The following DNAJC21 variants were observed in gnomAD, a reference collection of about 807,000 sequenced individuals.
DNAJC21 encodes dnaJ homolog subfamily C member 21.
Under a neutral mutation model 72.4 loss-of-function variants are expected in DNAJC21, and 63 were observed. The observed-to-expected ratio is 0.87, with a 90% CI of 0.71 to 1.07. The LOEUF is 1.07. DNAJC21 is among the 50% of genes least tolerant of loss of function. The probability of loss-of-function intolerance (pLI) is 0.00; values close to 1 mark genes in which losing one functional copy is unlikely to be tolerated. For missense variants in DNAJC21, 634 were observed against 644.8 expected, an observed-to-expected ratio of 0.98 and a Z score of 0.18; for synonymous variants, 203 against 216.7, an observed-to-expected ratio of 0.94 and a Z score of 0.56.
intron 1 of DNAJC21, among the ~76,000 whole-genome samples, chr5:34,931,514 G>A (rs533866701): frequency 2.6e-5 from 4 of 152,312 alleles, no homozygotes; most frequent in South Asian, 2.1e-4. Flanking sequence ...GACCAAAAGC[G>A]TATGTAATTT....
At chr5:34,939,426 C>T (rs868606680) in intron 6 of DNAJC21, among the ~76,000 whole-genome samples, 11 of 152,178 alleles carry the variant, frequency 7.2e-5, no homozygotes, top group Admixed American at 3.9e-4. Flanking sequence ...CCACCGCGCC[C>T]GGCTAATTTT....
rs1765603128 is a variant in DNAJC21 at position 34,958,751 on chromosome 5, A to G, written c.*4037A>G. On this transcript the variant is annotated 3_prime_UTR_variant, in exon 12 of 12. Coordinates refer to ENST00000648817, the MANE Select transcript of DNAJC21 (RefSeq NM_001012339.3). Reference sequence around the variant, plus strand: ...GCAATTCTCAAAACTTTTGGTCTCAAGATCCCTTTACACTCTTCAAAAGTG... The same window carrying G: ...GCAATTCTCAAAACTTTTGGTCTCAGGATCCCTTTACACTCTTCAAAAGTG... 1 of 152,228 alleles carries G rather than the reference A, an allele frequency of 6.6e-6. No homozygotes were observed. Among genetic ancestry groups the G allele is most frequent in the South Asian group, 2.1e-4 (1 of 4,830 alleles). 9.4% of individuals were successfully genotyped at this position (152,228 alleles called of 1,614,324 possible). A position where few individuals can be genotyped will look rare whatever the true frequency, so the allele number is the denominator to read the frequency against.
intron 6 of DNAJC21, among the ~76,000 whole-genome samples, chr5:34,939,304 G>A (rs978380079): frequency 3.9e-5 from 6 of 151,934 alleles, no homozygotes; most frequent in African/African-American, 1.4e-4. Context: ...TGTCGCCCAG[G>A]CCGGACTGCG....
At chr5:34,939,108 T>C in intron 6 of DNAJC21, 99 bp downstream of exon 6, 1 of 1,113,494 alleles carries the variant, frequency 9.0e-7, no homozygotes, top group East Asian at 2.6e-5. Context: ...ATGTGGCAAA[T>C]AATTAAAAAT....
intron 6 of DNAJC21, among the ~76,000 whole-genome samples, chr5:34,939,305 C>CCGGACTG (rs1764907413): frequency 4.0e-5 from 6 of 151,784 alleles, no homozygotes; most frequent in African/African-American, 1.5e-4. Flanking sequence ...GTCGCCCAGG[C>CCGGACTG]CGGACTGCGG....
chr5:34,936,017 T>C, intron 3 of DNAJC21, 127 bp from the exon 4 acceptor site: 1 of 1,438,584 alleles, frequency 7.0e-7, no homozygotes, highest in Non-Finnish European at 9.4e-7. Context: ...AATCTAAATG[T>C]ATTGCAGGGA....
intron 9 of DNAJC21, among the ~76,000 whole-genome samples, chr5:34,948,307 A>G (rs966402721): frequency 6.6e-6 from 1 of 152,214 alleles, no homozygotes; most frequent in African/African-American, 2.4e-5. Context: ...TCACTTTTCC[A>G]TGAAAAGGAA....
At chr5:34,954,141 G>C in intron 11 of DNAJC21, 140 bp downstream of exon 11, 1 of 671,676 alleles carries the variant, frequency 1.5e-6, no homozygotes, top group Non-Finnish European at 2.3e-6. Context: ...AGTTTTGTTT[G>C]ATATAATGTA....
rs574306683 is a variant in DNAJC21, at chr5:34,929,656, A to ACCGCCGCCG, written c.-148_-140dup. 735 of 155,448 alleles carry ACCGCCGCCG rather than the reference A, an allele frequency of 4.7e-3. 13 individuals are homozygous for ACCGCCGCCG. The highest frequency in any genetic ancestry group is 5.5e-3 in the Non-Finnish European group (430 of 78,264). 9.6% of individuals were successfully genotyped at this position (155,448 alleles called of 1,614,324 possible). On this transcript the variant is annotated 5_prime_UTR_variant, in exon 1 of 12. Transcript: ENST00000648817. ...CCGCGCGCCTTCACTGACCTACACC[A>ACCGCCGCCG]CCGCCGCCGCCGCCGCCGCCGCCGG...
chr5:34,937,016 G>A (rs536705118), intron 4 of DNAJC21, among the ~76,000 whole-genome samples: 51 of 152,260 alleles, frequency 3.3e-4, no homozygotes, highest in Admixed American at 4.6e-4. Context: ...CTTCCAAAGT[G>A]CTGGGATTAC....
intron 6 of DNAJC21, among the ~76,000 whole-genome samples, chr5:34,939,727 GT>G (rs147718625): frequency 1.9e-4 from 28 of 147,462 alleles, no homozygotes; most frequent in South Asian, 1.5e-3. Flanking sequence ...CCAAAATGTT[GT>G]TTTTTTTTTG....
At chr5:34,946,162 C>T (rs995015853) in intron 9 of DNAJC21, among the ~76,000 whole-genome samples, 8 of 152,190 alleles carry the variant, frequency 5.3e-5, no homozygotes, top group Admixed American at 3.3e-4. Context: ...TGGGATTGGT[C>T]ATTTTTTTAT....
At chr5:34,939,787 T>A (rs1430708796) in intron 6 of DNAJC21, among the ~76,000 whole-genome samples, 1 of 152,196 alleles carries the variant, frequency 6.6e-6, no homozygotes, top group Non-Finnish European at 1.5e-5. Context: ...AGGCAAGGAT[T>A]AGGCATTTTT....
chr5:34,952,182 A>G (rs1346427201), intron 10 of DNAJC21: 3 of 985,170 alleles, frequency 3.0e-6, no homozygotes, highest in Non-Finnish European at 3.6e-6. Context: ...GGTCTTAGAT[A>G]TCAGCTTCAG....
intron 2 of DNAJC21, 114 bp from the exon 3 acceptor site, chr5:34,935,596 A>G: frequency 7.3e-7 from 1 of 1,362,934 alleles, no homozygotes; most frequent in Non-Finnish European, 1.0e-6. Context: ...TTGGTTATGG[A>G]TTGGACATAT....
chr5:34,946,685 C>G (rs1765183693), intron 9 of DNAJC21, among the ~76,000 whole-genome samples: 1 of 152,074 alleles, frequency 6.6e-6, no homozygotes, highest in Non-Finnish European at 1.5e-5. Flanking sequence ...TATAAATTGA[C>G]ATCTACCATC....
chr5:34,941,499 A>AAGCG (rs1487010493), intron 7 of DNAJC21, among the ~76,000 whole-genome samples: 8 of 151,862 alleles, frequency 5.3e-5, no homozygotes, highest in African/African-American at 1.9e-4. Flanking sequence ...CTAGGATTGC[A>AAGCG]AGCGTGAGCC....
chr5:34,938,821 G>C (rs141093051), intron 5 of DNAJC21, 37 bp from the exon 6 acceptor site: 5 of 1,545,818 alleles, frequency 3.2e-6, no homozygotes, highest in Non-Finnish European at 4.4e-6. Context: ...ATGCAGAGGC[G>C]TGCTTGTCGC....
chr5:34,941,720 C>T (rs997696015), intron 7 of DNAJC21, among the ~76,000 whole-genome samples: 3 of 151,818 alleles, frequency 2.0e-5, no homozygotes, highest in African/African-American at 7.3e-5. Flanking sequence ...ATGCAGGTCA[C>T]CGCACCCAGC....
Sources: gnomAD v4.1 joint callset for allele counts (sites outside exome capture counted in the v4.1 genomes callset) on GRCh38, gnomAD v4.1.1 for gene constraint, MANE v1.5 for transcripts, NCBI Gene and HGNC (gene_info 2026-07-23, HGNC 2026-07-21) for gene names.